Variants in FHDC1 observed in about 807,000 individuals in gnomAD.
FHDC1 encodes the protein FH2 domain containing 1, also known as FH2 domain-containing protein 1.
A neutral mutation model predicts 52.6 loss-of-function variants in FHDC1; 25 were observed. The ratio of observed to expected loss-of-function variants is 0.48; its 90% CI spans 0.35 to 0.66. FHDC1 has a LOEUF of 0.66. Ranked by LOEUF, FHDC1 falls within the 30% of genes least tolerant of loss-of-function variation. FHDC1 has a pLI of 0.01. For synonymous variants in FHDC1, 616 were observed against 581.5 expected, an observed-to-expected ratio of 1.06 and a Z score of -0.85; for missense variants, 1,459 against 1,452.8, an observed-to-expected ratio of 1.00 and a Z score of -0.07.
chr4:152,928,054 C>G, the FHDC1 span: 2 of 1,420,840 alleles, frequency 1.4e-6, no homozygotes, highest in South Asian at 2.3e-5. Flanking sequence ...TCCACTGCCC[C>G]TCTGCTGCAG....
At chr4:152,931,232 A>G in the FHDC1 span, among the ~76,000 whole-genome samples, 33 of 152,238 alleles carry the variant, frequency 2.2e-4, no homozygotes, top group Non-Finnish European at 3.4e-4. Context: ...GTGGTAAATA[A>G]TGGAAAGAAA....
At chr4:152,968,170 T>A in intron 10 of FHDC1, 73 bp downstream of exon 10, 1 of 1,029,470 alleles carries the variant, frequency 9.7e-7, no homozygotes, top group Non-Finnish European at 1.5e-6. Flanking sequence ...TAAATTTGCA[T>A]GGGTGTATTT....
chr4:152,976,885 A>C lies in FHDC1; in HGVS notation c.*162A>C. 1 of 887,568 alleles carries C rather than the reference A, an allele frequency of 1.1e-6. No homozygotes were observed. Among genetic ancestry groups the C allele is most frequent in the Non-Finnish European group, 1.6e-6 (1 of 622,030 alleles). 55.0% of individuals were successfully genotyped at this position (887,568 alleles called of 1,614,324 possible). A position where few individuals can be genotyped will look rare whatever the true frequency, so the allele number is the denominator to read the frequency against. ...ATGGCACAGTCCAGGAGGCCTGTGG[A>C]CTGCAGCCTGCTGTGCTGAGCCCTG... On this transcript the variant is annotated 3_prime_UTR_variant, in exon 12 of 12. Coordinates refer to ENST00000511601, the MANE Select transcript of FHDC1 (RefSeq NM_001371116.1).
At chr4:152,931,954 A>C (rs1465887256), upstream of FHDC1, among the ~76,000 whole-genome samples, 7 of 115,662 alleles carry the variant, frequency 6.1e-5, no homozygotes, top group African/African-American at 2.0e-4. Flanking sequence ...AAAAAAAAAA[A>C]AAAAAAAAAA....
intron 8 of FHDC1, among the ~76,000 whole-genome samples, chr4:152,964,455 C>G (rs1307208366): frequency 2.0e-5 from 3 of 152,148 alleles, no homozygotes; most frequent in Non-Finnish European, 4.4e-5. Flanking sequence ...TGCTTCCTTC[C>G]CACTTGCCTT....
chr4:152,942,887 G>C, intron 1 of FHDC1, 41 bp from the exon 2 acceptor site: 1 of 677,356 alleles, frequency 1.5e-6, no homozygotes, highest in Non-Finnish European at 2.4e-6. Context: ...ATGCGAAACT[G>C]TTTGTCTGTA....
At chr4:152,942,114 C>T (rs1739590263) in intron 1 of FHDC1, among the ~76,000 whole-genome samples, 1 of 152,104 alleles carries the variant, frequency 6.6e-6, no homozygotes, top group South Asian at 2.1e-4. Context: ...GCAGCGTGTC[C>T]TTGGGCGTAT....
chr4:152,954,975 A>G (rs1346846496), intron 4 of FHDC1, among the ~76,000 whole-genome samples: 1 of 152,198 alleles, frequency 6.6e-6, no homozygotes, highest in Non-Finnish European at 1.5e-5. Context: ...AATGCATCTA[A>G]CATGGCACTT....
chr4:152,915,845 T>G, the FHDC1 span, among the ~76,000 whole-genome samples: 1 of 152,176 alleles, frequency 6.6e-6, no homozygotes, highest in African/African-American at 2.4e-5. Flanking sequence ...AAAAGTACCA[T>G]TAATAAGAAG....
At chr4:152,961,481 T>C (rs1419057963) in intron 6 of FHDC1, among the ~76,000 whole-genome samples, 2 of 152,238 alleles carry the variant, frequency 1.3e-5, no homozygotes, top group Non-Finnish European at 2.9e-5. Flanking sequence ...TTCTCAGAGC[T>C]GCCCTGCCGT....
At chr4:152,930,823 T>C in the FHDC1 span, among the ~76,000 whole-genome samples, 1 of 152,248 alleles carries the variant, frequency 6.6e-6, no homozygotes, top group African/African-American at 2.4e-5. Flanking sequence ...GCTAGTTCAC[T>C]AAACTAAGCA....
chr4:152,968,937 G>A (rs1010020144), intron 10 of FHDC1, among the ~76,000 whole-genome samples: 14 of 152,232 alleles, frequency 9.2e-5, no homozygotes, highest in Middle Eastern at 3.4e-3. Flanking sequence ...AGCTGTGCCC[G>A]TCAACACCAG....
intron 1 of FHDC1, among the ~76,000 whole-genome samples, chr4:152,937,324 A>AC (rs1049610303): frequency 1.1e-4 from 17 of 150,532 alleles, no homozygotes; most frequent in South Asian, 4.2e-4. Flanking sequence ...GAGCCGGAAG[A>AC]CCCCCCCTTT....
upstream of FHDC1, among the ~76,000 whole-genome samples, chr4:152,931,444 C>A (rs1739250666): frequency 6.9e-6 from 1 of 143,890 alleles, no homozygotes; most frequent in Admixed American, 7.0e-5. Context: ...TCTTCCATCT[C>A]CAGCCTCTAA....
At chr4:152,973,365 T>C (rs571958916) in intron 11 of FHDC1, among the ~76,000 whole-genome samples, 97 of 152,374 alleles carry the variant, frequency 6.4e-4, no homozygotes, top group African/African-American at 2.3e-3. Context: ...AATTGCTTTG[T>C]GTTCTCGACC....
Position 152,977,066 on chromosome 4 carries a change from G to A in FHDC1, c.*343G>A. 5.2e-6 allele frequency: 1 copy of A among 192,282 alleles called. No individual in the cohort carries two copies. The highest frequency in any genetic ancestry group is 1.0e-5 in the Non-Finnish European group (1 of 95,468). The allele number at this position is 192,282 out of a possible 1,614,324, so 11.9% of individuals were successfully genotyped here. A position where few individuals can be genotyped will look rare whatever the true frequency, so the allele number is the denominator to read the frequency against. ...AAACAAGTCAAAAAAGTTTTTTTCA[G>A]GCCAGTTTTTATATATCAAAGACTT... On this transcript the variant is annotated 3_prime_UTR_variant, in exon 12 of 12. Transcript: ENST00000511601.
At chr4:152,967,895 GA>G in intron 9 of FHDC1, 84 bp from the exon 10 acceptor site, 2 of 960,878 alleles carry the variant, frequency 2.1e-6, no homozygotes, top group South Asian at 3.1e-5. Context: ...TTCCAAGGTT[GA>G]ACAACAGTTA....
intron 2 of FHDC1, 145 bp downstream of exon 2, chr4:152,943,700 C>G (rs1213435099): frequency 3.0e-6 from 3 of 986,346 alleles, no homozygotes; most frequent in Non-Finnish European, 4.4e-6. Context: ...TAGGCAGGGT[C>G]TTTACGATGA....
chr4:152,957,404 A>G (rs1399126695), intron 4 of FHDC1, among the ~76,000 whole-genome samples: 1 of 152,200 alleles, frequency 6.6e-6, no homozygotes, highest in Non-Finnish European at 1.5e-5. Context: ...TTGTTTTACA[A>G]ATGAGAAACT....
Sources: gnomAD v4.1 joint callset for allele counts (sites outside exome capture counted in the v4.1 genomes callset) on GRCh38, gnomAD v4.1.1 for gene constraint, MANE v1.5 for transcripts, NCBI Gene and HGNC (gene_info 2026-07-23, HGNC 2026-07-21) for gene names.